Variants in TNR observed in about 807,000 individuals in gnomAD.
The protein encoded by TNR is tenascin R.
Under a neutral mutation model 150.4 loss-of-function variants are expected in TNR, and 45 were observed. The observed-to-expected ratio is 0.30, with a 90% CI of 0.24 to 0.38. The LOEUF is 0.38. Among genes scored for constraint, TNR ranks in the 10% least tolerant of loss-of-function variants. The probability of loss-of-function intolerance (pLI) is 1.00; values close to 1 mark genes in which losing one functional copy is unlikely to be tolerated. For missense variants in TNR, 1,544 were observed against 1,759.1 expected (o/e 0.88, Z 2.19); for synonymous variants, 687 against 678.4 (o/e 1.01, Z -0.20).
At chr1:175,509,234 T>G (rs1035786352) in intron 2 of TNR, among the ~76,000 whole-genome samples, 2 of 152,140 alleles carry the variant, frequency 1.3e-5, no homozygotes, top group Admixed American at 1.3e-4. Context: ...TTGATAACAG[T>G]AAAAAAAGAA....
chr1:175,554,328 G>A (rs1661064849), intron 1 of TNR, among the ~76,000 whole-genome samples: 1 of 111,698 alleles, frequency 9.0e-6, no homozygotes, highest in African/African-American at 3.6e-5. Flanking sequence ...ACAAAAAGAT[G>A]TCCTACATGG....
Position 175,323,291 on chromosome 1 carries a change from T to G in TNR, c.*66A>C, listed in dbSNP as rs2101977281. 1 of 1,593,020 alleles carries G rather than the reference T, an allele frequency of 6.3e-7. No homozygotes were observed. Among genetic ancestry groups the G allele is most frequent in the Admixed American group, 1.7e-5 (1 of 58,094 alleles). On this transcript the variant is annotated 3_prime_UTR_variant, in exon 23 of 23. Transcript: ENST00000367674. The stretch of plus-strand genomic sequence containing the variant: ...AACACATTGCTATTACCCTCCCCCC[T>G]TGTTTCATATTATAAAATACAAACA...
chr1:175,581,187 C>T (rs1389214902), intron 1 of TNR, among the ~76,000 whole-genome samples: 2 of 152,172 alleles, frequency 1.3e-5, no homozygotes, highest in African/African-American at 4.8e-5. Context: ...TCAACTAGAA[C>T]TGAAAATGGG....
Position 175,395,108 on chromosome 1 carries a change from A to G in TNR, c.1241-1213T>C, listed in dbSNP as rs148341756. On this transcript the variant is annotated intron_variant, in intron 5 of 22. Coordinates refer to ENST00000367674, the MANE Select transcript of TNR (RefSeq NM_003285.3). ...AACAGAGATAATTATAGGCATATTA[A>G]CAGAGTCAGCACTCTTCTCATAGCG... Among the ~76,000 whole-genome samples, 1,196 of 152,276 alleles carry G rather than the reference A, an allele frequency of 7.9e-3. 13 individuals are homozygous for G. Among genetic ancestry groups the G allele is most frequent in the African/African-American group, 0.027 (1,141 of 41,550 alleles).
At chr1:175,534,426 G>A (rs1236098608) in intron 1 of TNR, among the ~76,000 whole-genome samples, 1 of 152,204 alleles carries the variant, frequency 6.6e-6, no homozygotes, top group African/African-American at 2.4e-5. Flanking sequence ...ACAGGTGTGT[G>A]TTTGTGCAGA....
chr1:175,487,284 C>G (rs1658056916), intron 2 of TNR, among the ~76,000 whole-genome samples: 1 of 152,186 alleles, frequency 6.6e-6, no homozygotes, highest in South Asian at 2.1e-4. Flanking sequence ...TGCCACTGAT[C>G]CGACAGGAGG....
intron 2 of TNR, among the ~76,000 whole-genome samples, chr1:175,467,007 G>A (rs1310148227): frequency 6.6e-6 from 1 of 152,164 alleles, no homozygotes; most frequent in Non-Finnish European, 1.5e-5. Context: ...TCAGAGGATA[G>A]AGGCTGGGAT....
At chr1:175,533,550 A>G (rs889854666) in intron 1 of TNR, among the ~76,000 whole-genome samples, 11 of 152,218 alleles carry the variant, frequency 7.2e-5, no homozygotes, top group Admixed American at 2.6e-4. Context: ...CTGAGGCTTA[A>G]TAAAGTCAGG....
At chr1:175,338,783 A>T (rs1650369744) in intron 18 of TNR, among the ~76,000 whole-genome samples, 1 of 152,116 alleles carries the variant, frequency 6.6e-6, no homozygotes, top group African/African-American at 2.4e-5. Context: ...TAGCAACCTC[A>T]CTGAAAACCC....
intron 2 of TNR, among the ~76,000 whole-genome samples, chr1:175,473,322 C>G (rs1346459965): frequency 1.3e-5 from 2 of 152,162 alleles, no homozygotes; most frequent in Non-Finnish European, 2.9e-5. Context: ...CAAATGCATG[C>G]ACACACATGC....
At position 175,467,640 on chromosome 1, in the gene TNR, G is replaced by T. The variant is rs4300183; in HGVS notation, c.-64+60629C>A. ...GCCACCTGGACCCAGGGGCTAGAAAGTGTAGCTGACATGCTGACTACTAGT... is the reference window on the plus strand; with the variant it reads ...GCCACCTGGACCCAGGGGCTAGAAATTGTAGCTGACATGCTGACTACTAGT... On this transcript the variant is annotated intron_variant, in intron 2 of 22. Coordinates refer to ENST00000367674, the MANE Select transcript of TNR (RefSeq NM_003285.3). 8.3e-3 allele frequency among the ~76,000 whole-genome samples: 1,265 copies of T among 152,232 alleles called. 17 individuals are homozygous for T. Among genetic ancestry groups the T allele is most frequent in the African/African-American group, 0.028 (1,148 of 41,532 alleles).
intron 1 of TNR, among the ~76,000 whole-genome samples, chr1:175,658,077 G>A (rs116816128): frequency 2.6e-5 from 4 of 151,746 alleles, no homozygotes; most frequent in African/African-American, 9.7e-5. Context: ...AAGCCCCAGG[G>A]GCCCTCAGCT....
At chr1:175,619,639 A>G (rs181274861) in intron 1 of TNR, among the ~76,000 whole-genome samples, 1 of 152,220 alleles carries the variant, frequency 6.6e-6, no homozygotes, top group Non-Finnish European at 1.5e-5. Flanking sequence ...AAATTATTCA[A>G]TCCAAACCCA....
chr1:175,709,567 A>G (rs1263107373), intron 1 of TNR, among the ~76,000 whole-genome samples: 4 of 152,202 alleles, frequency 2.6e-5, no homozygotes, highest in African/African-American at 9.6e-5. Context: ...GTTAAAACAG[A>G]AAAGTTTGGA....
intron 1 of TNR, among the ~76,000 whole-genome samples, chr1:175,611,138 T>C (rs1053934594): frequency 2.6e-5 from 4 of 152,172 alleles, no homozygotes; most frequent in African/African-American, 7.2e-5. Context: ...CTTAAAAAAT[T>C]GCAGGCTAAT....
rs768487746 is a variant in TNR at position 175,362,755 on chromosome 1, G to A, written c.2762C>T (p.Thr921Ile). 1.2e-6 allele frequency: 2 copies of A among 1,614,022 alleles called. No homozygotes were observed. Among genetic ancestry groups the A allele is most frequent in the Non-Finnish European group, 1.7e-6 (2 of 1,180,012 alleles). ...GTATTCGGTAGCTGGGTTCAGTCTG[G>A]TGATGGTGAATTCTGTCACAGTGTT... Reference protein sequence around the residue: ...VPNTVTEFTITRLNPATEYEI... With the variant: ...VPNTVTEFTIIRLNPATEYEI... Residue 921 changes from threonine to isoleucine, a missense_variant, in exon 14 of 23, where the codon ACC (threonine) becomes ATC (isoleucine). Physicochemically the swap from Thr to Ile is moderately conservative, Grantham distance 89. Coordinates refer to ENST00000367674, the MANE Select transcript of TNR (RefSeq NM_003285.3).
At chr1:175,712,637 T>C (rs550293641) in intron 1 of TNR, among the ~76,000 whole-genome samples, 4 of 152,226 alleles carry the variant, frequency 2.6e-5, no homozygotes, top group Admixed American at 2.0e-4. Context: ...CCCTCATGAA[T>C]GGTTTAGGCC....
chr1:175,522,953 T>C (rs546261748), intron 2 of TNR, among the ~76,000 whole-genome samples: 1 of 152,368 alleles, frequency 6.6e-6, no homozygotes, highest in Admixed American at 6.5e-5. Flanking sequence ...TTCTCATCTG[T>C]ATGTTGGAAA....
chr1:175,415,141 T>A (rs1298002050), intron 2 of TNR, among the ~76,000 whole-genome samples: 1 of 136,978 alleles, frequency 7.3e-6, no homozygotes, highest in Non-Finnish European at 1.5e-5. Context: ...ACTCTTTTTT[T>A]GTGCTTTTTT....
Sources: gnomAD v4.1 joint callset for allele counts (sites outside exome capture counted in the v4.1 genomes callset) on GRCh38, gnomAD v4.1.1 for gene constraint, MANE v1.5 for transcripts, NCBI Gene and HGNC (gene_info 2026-07-23, HGNC 2026-07-21) for gene names.